The following HIBCH variants were observed in gnomAD, a reference collection of about 807,000 sequenced individuals.
The protein encoded by HIBCH is 3-hydroxyisobutyryl-CoA hydrolase.
In HIBCH, 50 loss-of-function variants were observed where a neutral mutation model predicts 58.2. The observed-to-expected ratio is 0.86, with a 90% CI of 0.68 to 1.09. The LOEUF is 1.09. HIBCH is among the 50% of genes least tolerant of loss of function. The probability of loss-of-function intolerance (pLI) is 0.00; values close to 1 mark genes in which losing one functional copy is unlikely to be tolerated. For missense variants in HIBCH, 450 were observed against 449.7 expected, an observed-to-expected ratio of 1.00 and a Z score of -0.01; for synonymous variants, 151 against 146.9, an observed-to-expected ratio of 1.03 and a Z score of -0.20.
Position 190,315,009 on chromosome 2 carries a change from G to A in HIBCH, c.36-4213C>T, listed in dbSNP as rs555433070. Among the ~76,000 whole-genome samples the A allele has an allele frequency of 4.0e-5, 6 of 151,604 alleles. No individual in the cohort carries two copies. The South Asian group carries it at 1.3e-3, about 32-fold the overall frequency. On this transcript the variant is annotated intron_variant, in intron 1 of 13. Coordinates refer to ENST00000359678, the MANE Select transcript of HIBCH (RefSeq NM_014362.4). The surrounding 1 kb of genome is among the most constrained non-coding windows in gnomAD (Gnocchi z 5.4). The stretch of plus-strand genomic sequence containing the variant: ...GTCGCCCAGGCTGGAGTGCAGTGGT[G>A]CAATCTCGGCTCACTGCAGGCTCTG...
chr2:190,240,577 T>A (rs1290766085), intron 11 of HIBCH, among the ~76,000 whole-genome samples: 1 of 152,226 alleles, frequency 6.6e-6, no homozygotes, highest in Non-Finnish European at 1.5e-5. Context: ...AACTGTGATG[T>A]AAGGGTGTCA....
chr2:190,199,383 A>G (rs1559003216), downstream of HIBCH, among the ~76,000 whole-genome samples: 2 of 152,100 alleles, frequency 1.3e-5, no homozygotes, highest in Non-Finnish European at 1.5e-5. Flanking sequence ...ATGGTTTGCT[A>G]GCCCTTGGTA....
At chr2:190,261,630 T>C (rs953266254) in intron 6 of HIBCH, among the ~76,000 whole-genome samples, 1 of 151,936 alleles carries the variant, frequency 6.6e-6, no homozygotes, top group African/African-American at 2.4e-5. Context: ...CAACTATACA[T>C]ATATAAAATT....
intron 2 of HIBCH, among the ~76,000 whole-genome samples, chr2:190,308,274 T>C (rs1406440974): frequency 6.6e-6 from 1 of 152,148 alleles, no homozygotes; most frequent in Non-Finnish European, 1.5e-5. Context: ...ACACTGCTCC[T>C]AGTTTTTTTT....
intron 6 of HIBCH, among the ~76,000 whole-genome samples, chr2:190,270,570 A>G (rs1687368504): frequency 6.6e-6 from 1 of 152,202 alleles, no homozygotes; most frequent in South Asian, 2.1e-4. Flanking sequence ...ACACTGCATC[A>G]CAGTATTAGA....
At chr2:190,224,354 G>C (rs986456008) in intron 11 of HIBCH, among the ~76,000 whole-genome samples, 2 of 152,164 alleles carry the variant, frequency 1.3e-5, no homozygotes, top group Non-Finnish European at 2.9e-5. Context: ...TGGATAAAGA[G>C]TCAAGACTCA....
chr2:190,252,568 T>C (rs182935941), intron 7 of HIBCH, among the ~76,000 whole-genome samples: 50 of 152,312 alleles, frequency 3.3e-4, no homozygotes, highest in African/African-American at 1.1e-3. Context: ...ATGTTTTGTA[T>C]ATTAGAAGTA....
In HIBCH at chr2:190,215,718, T is replaced by C. The variant is rs943195347; in HGVS notation, c.892-2643A>G. Reference sequence around the variant, plus strand: ...ATGAAAAGAAAGGAAATCAGAAAGATAAAGGGGAGGAAACAGCAAACGTAG... The same window carrying C: ...ATGAAAAGAAAGGAAATCAGAAAGACAAAGGGGAGGAAACAGCAAACGTAG... On this transcript the variant is annotated intron_variant, in intron 11 of 13. Transcript: ENST00000359678. The surrounding 1 kb of genome is among the most constrained non-coding windows in gnomAD (Gnocchi z 4.4). The C allele has an allele frequency of 2.6e-5, 4 of 151,920 alleles. No individual in the cohort carries two copies. Among genetic ancestry groups the C allele is most frequent in the African/African-American group, 7.3e-5 (3 of 41,334 alleles). 9.4% of individuals were successfully genotyped at this position (151,920 alleles called of 1,614,324 possible).
At chr2:190,311,562 T>C (rs1040535071) in intron 1 of HIBCH, among the ~76,000 whole-genome samples, 3 of 152,184 alleles carry the variant, frequency 2.0e-5, no homozygotes, top group African/African-American at 7.2e-5. Flanking sequence ...GAAATACAAA[T>C]CCACAGCCTT....
chr2:190,232,443 G>A (rs542024302), intron 11 of HIBCH, among the ~76,000 whole-genome samples: 7 of 152,262 alleles, frequency 4.6e-5, no homozygotes, highest in East Asian at 1.9e-4. Flanking sequence ...AGTCCTGTGT[G>A]CCAAGTCTCT....
chr2:190,287,027 C>CGTGTGTGTGTGTGT (rs56811939), intron 6 of HIBCH, among the ~76,000 whole-genome samples: 3,991 of 142,144 alleles, frequency 0.028, 96 homozygotes, highest in South Asian at 0.041. Flanking sequence ...TAGCATATAA[C>CGTGTGTGTGTGTGT]GTGTGTGTGT....
chr2:190,226,099 G>T (rs558760092), intron 11 of HIBCH, among the ~76,000 whole-genome samples: 1 of 152,122 alleles, frequency 6.6e-6, no homozygotes, highest in African/African-American at 2.4e-5. Context: ...GTATTGATGC[G>T]ACGTATCTCA....
In HIBCH at chr2:190,197,945, A is replaced by C. The variant is rs145131082; in HGVS notation, c.*17+7155T>G. On this transcript the variant is annotated intron_variant, in intron 1 of 1. Coordinates refer to the HIBCH transcript ENST00000399855. The surrounding 1 kb of genome is among the most constrained non-coding windows in gnomAD (Gnocchi z 4.0). ...AATTTTTTTCAGGTTAACCATGTCC[A>C]ATTCCCTTAACCATCCCTCACAGTA... Among the ~76,000 whole-genome samples the C allele has an allele frequency of 7.9e-4, 121 of 152,250 alleles. 1 individual carries two copies. Among genetic ancestry groups the C allele is most frequent in the African/African-American group, 2.8e-3 (118 of 41,548 alleles).
downstream of HIBCH, among the ~76,000 whole-genome samples, chr2:190,199,147 G>A (rs569516699): frequency 5.9e-5 from 9 of 152,268 alleles, no homozygotes; most frequent in Non-Finnish European, 1.0e-4. Flanking sequence ...GGTTCATGAG[G>A]TTTGGGGAGG....
intron 1 of HIBCH, among the ~76,000 whole-genome samples, chr2:190,195,444 T>A (rs558385025): frequency 6.6e-6 from 1 of 152,202 alleles, no homozygotes; most frequent in Admixed American, 6.5e-5. Flanking sequence ...TCACCAACAG[T>A]GAATGAGAGT....
chr2:190,276,519 G>GA (rs1162613805), intron 6 of HIBCH, among the ~76,000 whole-genome samples: 3 of 152,140 alleles, frequency 2.0e-5, no homozygotes, highest in African/African-American at 4.8e-5. Flanking sequence ...TGAATGGCTT[G>GA]GTACATCCCC....
At chr2:190,286,672 C>G (rs977298766) in intron 6 of HIBCH, among the ~76,000 whole-genome samples, 3 of 152,142 alleles carry the variant, frequency 2.0e-5, no homozygotes, top group African/African-American at 4.8e-5. Flanking sequence ...CATGTTTTCT[C>G]TAACTCCAGG....
At chr2:190,195,962 T>TTG (rs1553490724) in intron 1 of HIBCH, among the ~76,000 whole-genome samples, 1 of 147,210 alleles carries the variant, frequency 6.8e-6, no homozygotes, top group Non-Finnish European at 1.5e-5. Context: ...TTTTTTTTTT[T>TTG]GGCATATGGA....
At chr2:190,308,642 C>G (rs1424379899) in intron 2 of HIBCH, among the ~76,000 whole-genome samples, 1 of 152,110 alleles carries the variant, frequency 6.6e-6, no homozygotes, top group Non-Finnish European at 1.5e-5. Flanking sequence ...GCAAAATGGC[C>G]CACACCAGAT....
Sources: allele counts gnomAD v4.1 joint callset (sites outside exome capture counted in the v4.1 genomes callset), GRCh38; gene constraint gnomAD v4.1.1; non-coding constraint Gnocchi (gnomAD v3.1); transcripts MANE v1.5; gene names NCBI Gene and HGNC (gene_info 2026-07-23, HGNC 2026-07-21).